Variants in DNA2 observed in about 807,000 individuals in gnomAD.
DNA2 encodes DNA replication helicase/nuclease 2.
Under a neutral mutation model 119.1 loss-of-function variants are expected in DNA2, and 101 were observed. That is an observed-to-expected ratio of 0.85 (90% CI 0.72 to 1.00). DNA2 has a LOEUF of 1.00. Among genes scored for constraint, DNA2 ranks in the 50% least tolerant of loss-of-function variants. The pLI is 0.00. For synonymous variants in DNA2, 366 were observed against 424.4 expected, an observed-to-expected ratio of 0.86 and a Z score of 1.69; for missense variants, 1,121 against 1,255.5, an observed-to-expected ratio of 0.89 and a Z score of 1.62.
Position 68,432,464 on chromosome 10 carries a change from C to T in DNA2, c.1693G>A (p.Glu565Lys). The T allele has an allele frequency of 1.9e-6, 3 of 1,582,430 alleles. No individual in the cohort carries two copies. The highest frequency in any genetic ancestry group is 2.6e-6 in the Non-Finnish European group (3 of 1,164,588). ...PESTLFRLDQ[E>K]EKNCDIDTPL... ...GTATCTATATCACAATTTTTTTCTT[C>T]TTGGTCTAATCTGAACAAAGTTGAT... Residue 565 changes from glutamate (E) to lysine (K), a missense_variant, in exon 11 of 21, where the codon GAA (glutamate) becomes AAA (lysine). Coordinates refer to ENST00000358410, the MANE Select transcript of DNA2 (RefSeq NM_001080449.3).
At position 68,437,252 on chromosome 10, in the gene DNA2, A is replaced by C. The variant is rs1345473976; in HGVS notation, c.1416-11T>G. 1 of 1,581,956 alleles carries C rather than the reference A, an allele frequency of 6.3e-7. No individual in the cohort carries two copies. Among genetic ancestry groups the C allele is most frequent in the Non-Finnish European group, 8.6e-7 (1 of 1,161,766 alleles). ...CTGCCACTCTTCTCCCTATGAAAAG[A>C]CCAAAGAGAAAAAAACTTCTGTTTA... On this transcript the variant is annotated splice_polypyrimidine_tract_variant and intron_variant, in intron 9 of 20. Coordinates refer to ENST00000358410, the MANE Select transcript of DNA2 (RefSeq NM_001080449.3).
intron 10 of DNA2, among the ~76,000 whole-genome samples, chr10:68,435,262 T>C (rs58647158): frequency 0.057 from 8,666 of 151,954 alleles, 387 homozygotes; most frequent in East Asian, 0.25. Flanking sequence ...TTGCCCAGGC[T>C]GGTCTCAAAC....
chr10:68,418,423 A>T (rs867026811), intron 19 of DNA2, among the ~76,000 whole-genome samples: 1 of 152,052 alleles, frequency 6.6e-6, no homozygotes, highest in African/African-American at 2.4e-5. Context: ...AAAAAAAAAA[A>T]AAAAAGTAAG....
intron 6 of DNA2, among the ~76,000 whole-genome samples, chr10:68,447,716 G>C (rs1183004377): frequency 6.6e-6 from 1 of 151,608 alleles, no homozygotes; most frequent in African/African-American, 2.4e-5. Flanking sequence ...GGGCGCAGTG[G>C]TTCACGCCTG....
chr10:68,467,256 G>A (rs369842305), intron 3 of DNA2, among the ~76,000 whole-genome samples: 68 of 151,990 alleles, frequency 4.5e-4, no homozygotes, highest in African/African-American at 1.4e-3. Context: ...GATTACAGGC[G>A]CGCACCACAA....
At position 68,415,105 on chromosome 10, in the gene DNA2, G is replaced by A. The variant is rs1162718366; in HGVS notation, c.3117C>T (p.Ile1039=). The A allele has an allele frequency of 6.4e-7, 1 of 1,552,212 alleles. No homozygotes were observed. Among genetic ancestry groups the A allele is most frequent in the East Asian group, 2.3e-5 (1 of 43,182 alleles). Residue 1039 remains isoleucine, a splice_region_variant and synonymous_variant, in exon 21 of 21, where the codon ATC becomes ATT. Transcript: ENST00000358410. ...LLNHLNSEKL[I]IDLPSREHES... ...CATGTTCTCTTGATGGAAGATCAATGATGTAAAATAAATTAAGGAAGAAAT... is the reference window on the plus strand; with the variant it reads ...CATGTTCTCTTGATGGAAGATCAATAATGTAAAATAAATTAAGGAAGAAAT...
intron 3 of DNA2, among the ~76,000 whole-genome samples, chr10:68,466,430 A>G (rs10823207): frequency 0.29 from 44,816 of 151,986 alleles, 7,302 homozygotes; most frequent in African/African-American, 0.42. Flanking sequence ...AAAAGATACC[A>G]TTCAAACATA....
chr10:68,435,107 G>A (rs1340944399), intron 10 of DNA2, among the ~76,000 whole-genome samples: 2 of 151,880 alleles, frequency 1.3e-5, no homozygotes, highest in African/African-American at 4.8e-5. Flanking sequence ...TACATGCAGT[G>A]CAGAGGTGTG....
In DNA2 at chr10:68,431,930, G is replaced by C. The variant is rs1180352201; in HGVS notation, c.1915C>G (p.Leu639Val). Reference sequence around the variant, plus strand: ...ACGATGAGTGTGTAGTCTTTTGAAAGAAGTACCTTTTTCATCGCTTGCCTC... The same window carrying C: ...ACGATGAGTGTGTAGTCTTTTGAAACAAGTACCTTTTTCATCGCTTGCCTC... ...PQRQAMKKVL[L>V]SKDYTLIVGM... Residue 639 changes from leucine to valine, a missense_variant, in exon 13 of 21, where the codon CTT becomes GTT. Coordinates refer to ENST00000358410, the MANE Select transcript of DNA2 (RefSeq NM_001080449.3). 6 of 1,613,574 alleles carry C rather than the reference G, an allele frequency of 3.7e-6. No homozygotes were observed. The highest frequency in any genetic ancestry group is 5.1e-6 in the Non-Finnish European group (6 of 1,179,772).
intron 2 of DNA2, among the ~76,000 whole-genome samples, chr10:68,469,210 C>A (rs1277780263): frequency 1.3e-5 from 2 of 149,922 alleles, no homozygotes; most frequent in African/African-American, 2.5e-5. Flanking sequence ...ATTAATTTTG[C>A]TTTTAGTTAA....
At chr10:68,453,723 C>T (rs967697123) in intron 5 of DNA2, among the ~76,000 whole-genome samples, 2 of 152,258 alleles carry the variant, frequency 1.3e-5, no homozygotes, top group East Asian at 1.9e-4. Flanking sequence ...AGTACAGTAA[C>T]ATGTAGTACA....
intron 3 of DNA2, among the ~76,000 whole-genome samples, chr10:68,466,620 C>G (rs1468131863): frequency 6.6e-6 from 1 of 151,360 alleles, no homozygotes; most frequent in Non-Finnish European, 1.5e-5. Flanking sequence ...GCTCTGTCAC[C>G]CAGGCTGGAG....
intron 9 of DNA2, among the ~76,000 whole-genome samples, chr10:68,442,667 A>G (rs2051985514): frequency 6.6e-6 from 1 of 152,192 alleles, no homozygotes; most frequent in African/African-American, 2.4e-5. Flanking sequence ...AATTTTTAAA[A>G]CAAGATTTCT....
At chr10:68,445,953 C>A (rs2052033412) in intron 7 of DNA2, among the ~76,000 whole-genome samples, 1 of 151,936 alleles carries the variant, frequency 6.6e-6, no homozygotes, top group African/African-American at 2.4e-5. Context: ...ATGGCGAAAC[C>A]CCATCTCTAC....
chr10:68,429,330 A>C (rs1033780660), intron 14 of DNA2, among the ~76,000 whole-genome samples: 1 of 151,676 alleles, frequency 6.6e-6, no homozygotes, highest in Non-Finnish European at 1.5e-5. Context: ...GGATAACCTG[A>C]GGTTGGGAGT....
chr10:68,449,750 A>G (rs1045225373), intron 6 of DNA2, among the ~76,000 whole-genome samples: 1 of 152,028 alleles, frequency 6.6e-6, no homozygotes, highest in Non-Finnish European at 1.5e-5. Context: ...TGTCTCTACT[A>G]AAAATACAAA....
rs2052223114 is a variant in DNA2 at position 68,459,132 on chromosome 10, T to A, written c.691A>T (p.Thr231Ser). Residue 231 changes from threonine (T) to serine (S), a missense_variant, in exon 5 of 21, where the codon ACT (threonine) becomes TCT (serine). Physicochemically the swap from Thr to Ser is moderately conservative, Grantham distance 58. Transcript: ENST00000358410. Reference sequence around the variant, plus strand: ...GAGAGCTGCATCTGAGGGAAGTCAGTCGAAGTGTTTTTATGCATGAAATCT... The same window carrying A: ...GAGAGCTGCATCTGAGGGAAGTCAGACGAAGTGTTTTTATGCATGAAATCT... The part of the protein sequence containing the change: ...AGDFMHKNTS[T>S]DFPQMQLSLP... The A allele has an allele frequency of 4.4e-6, 7 of 1,600,236 alleles. No homozygotes were observed. The East Asian group carries it at 1.6e-4, about 36-fold the overall frequency.
At chr10:68,442,254 T>C (rs2051979397) in intron 9 of DNA2, among the ~76,000 whole-genome samples, 1 of 151,836 alleles carries the variant, frequency 6.6e-6, no homozygotes, top group South Asian at 2.1e-4. Flanking sequence ...AGTCTCGCTC[T>C]GTCACCCAGG....
chr10:68,423,168 CTTTT>C (rs1263567513), intron 14 of DNA2, among the ~76,000 whole-genome samples: 6 of 150,308 alleles, frequency 4.0e-5, no homozygotes, highest in African/African-American at 7.5e-5. Context: ...TAAGTTAGTT[CTTTT>C]TTTGTTTGTT....
Sources: gnomAD v4.1 joint callset for allele counts (sites outside exome capture counted in the v4.1 genomes callset) on GRCh38, gnomAD v4.1.1 for gene constraint, MANE v1.5 for transcripts, NCBI Gene and HGNC (gene_info 2026-07-23, HGNC 2026-07-21) for gene names.